TBXAS1: variants seen among roughly 807,000 people sequenced by gnomAD.
TBXAS1 encodes the protein thromboxane A synthase 1.
In TBXAS1, 48 loss-of-function variants were observed where a neutral mutation model predicts 60.7. The observed-to-expected ratio is 0.79, with a 90% CI of 0.63 to 1.01. The LOEUF (loss-of-function observed/expected upper bound fraction) is 1.01. Ranked by LOEUF, TBXAS1 falls within the 50% of genes least tolerant of loss-of-function variation. The pLI is 0.00. For missense variants in TBXAS1, 685 were observed against 686.3 expected (o/e 1.00, Z 0.02); for synonymous variants, 287 against 269.7 (o/e 1.06, Z -0.63).
At chr7:139,978,213 T>C (rs1811697176) in intron 9 of TBXAS1, among the ~76,000 whole-genome samples, 1 of 152,062 alleles carries the variant, frequency 6.6e-6, no homozygotes, top group Non-Finnish European at 1.5e-5. Flanking sequence ...ATAATTATGA[T>C]AGAAATAATA....
chr7:139,985,056 T>G (rs1013059792), intron 9 of TBXAS1, among the ~76,000 whole-genome samples: 18 of 152,320 alleles, frequency 1.2e-4, no homozygotes, highest in African/African-American at 4.3e-4. Flanking sequence ...CTCCCCAGGA[T>G]TCTGCTGGAG....
At chr7:139,863,569 A>T (rs1451205331) in intron 1 of TBXAS1, among the ~76,000 whole-genome samples, 1 of 152,212 alleles carries the variant, frequency 6.6e-6, no homozygotes, top group Non-Finnish European at 1.5e-5. Flanking sequence ...TTCCTATTGG[A>T]ATGCAACTAT....
At chr7:139,839,419 C>T (rs2267679) in intron 1 of TBXAS1, among the ~76,000 whole-genome samples, 104,131 of 151,968 alleles carry the variant, frequency 0.69, 37,518 homozygotes, top group East Asian at 0.92. Context: ...GCTGATGAAG[C>T]GGCAAGGAAG....
intron 9 of TBXAS1, among the ~76,000 whole-genome samples, chr7:139,976,874 T>C (rs938937079): frequency 2.6e-5 from 4 of 152,210 alleles, no homozygotes; most frequent in East Asian, 3.8e-4. Flanking sequence ...ACATCCTTAC[T>C]GGAGCTGCTG....
rs188864779 is a variant in TBXAS1 at position 139,930,241 on chromosome 7, G to A, written c.334-5950G>A. On this transcript the variant is annotated intron_variant, in intron 4 of 12. Coordinates refer to ENST00000448866, the MANE Select transcript of TBXAS1 (RefSeq NM_001061.7). ...ACACCTCGCCCCATCCCACTGTACC[G>A]TCCAGTGTATTTCTCATGCTTATTG... Among the ~76,000 whole-genome samples, 28 of 152,226 alleles carry A rather than the reference G, an allele frequency of 1.8e-4. No homozygotes were observed. In the South Asian group the frequency reaches 2.9e-3, roughly 16 times the overall value.
chr7:139,870,059 A>T (rs1801710070), intron 1 of TBXAS1, among the ~76,000 whole-genome samples: 1 of 152,216 alleles, frequency 6.6e-6, no homozygotes, highest in Non-Finnish European at 1.5e-5. Context: ...AAGATGCTCA[A>T]GTTCCAGATT....
intron 8 of TBXAS1, among the ~76,000 whole-genome samples, chr7:139,960,334 A>T (rs563508979): frequency 6.6e-6 from 1 of 152,320 alleles, no homozygotes; most frequent in African/African-American, 2.4e-5. Flanking sequence ...ACTGCATTAC[A>T]TTTTTATCTG....
intron 4 of TBXAS1, among the ~76,000 whole-genome samples, chr7:139,793,461 C>T (rs761525303): frequency 2.6e-5 from 4 of 151,990 alleles, no homozygotes; most frequent in South Asian, 2.1e-4. Flanking sequence ...TGCCAAACAC[C>T]GTTTTACTGA....
intron 5 of TBXAS1, among the ~76,000 whole-genome samples, chr7:139,945,210 G>T (rs1808604470): frequency 6.6e-6 from 1 of 152,194 alleles, no homozygotes; most frequent in African/African-American, 2.4e-5. Context: ...TAAGAATTTG[G>T]CTGCTCTCTC....
intron 9 of TBXAS1, among the ~76,000 whole-genome samples, chr7:139,994,744 A>G (rs1277319400): frequency 6.6e-6 from 1 of 152,256 alleles, no homozygotes; most frequent in African/African-American, 2.4e-5. Flanking sequence ...TTCCAGGTCA[A>G]TAGAAGGATT....
rs574184526 is a variant in TBXAS1 at position 139,959,844 on chromosome 7, G to A, written c.820-2075G>A. ...AGGTCTGGGGGTGCTCTGGGGTCCT[G>A]TGCTGGTGTCCCAGAGCTGAGGGAG... On this transcript the variant is annotated intron_variant, in intron 8 of 12. Transcript: ENST00000448866. 3.3e-5 allele frequency among the ~76,000 whole-genome samples: 5 copies of A among 152,280 alleles called. No individual in the cohort carries two copies. The South Asian group carries it at 1.0e-3, about 32-fold the overall frequency.
intron 2 of TBXAS1, among the ~76,000 whole-genome samples, 153 bp from the exon 3 acceptor site, chr7:139,875,432 A>C (rs563971405): frequency 7.0e-4 from 106 of 152,282 alleles, no homozygotes; most frequent in African/African-American, 2.4e-3. Flanking sequence ...GTTTATTCCA[A>C]TGTTTCAAAG....
intron 9 of TBXAS1, among the ~76,000 whole-genome samples, chr7:139,994,701 C>G (rs3801148): frequency 6.6e-6 from 1 of 152,016 alleles, no homozygotes; most frequent in Non-Finnish European, 1.5e-5. Flanking sequence ...GACAATGGCT[C>G]ATTTATTTCA....
At chr7:139,859,174 C>CCAAAG (rs1351813247) in intron 1 of TBXAS1, among the ~76,000 whole-genome samples, 2 of 151,380 alleles carry the variant, frequency 1.3e-5, no homozygotes, top group Non-Finnish European at 2.9e-5. Flanking sequence ...CGTGCCCGGC[C>CCAAAG]CAAAGCATTC....
chr7:139,939,836 C>T (rs1305989319), intron 5 of TBXAS1, among the ~76,000 whole-genome samples: 2 of 152,104 alleles, frequency 1.3e-5, no homozygotes, highest in African/African-American at 4.8e-5. Context: ...GAAAGCATTT[C>T]AAAGAGGAAG....
rs1203779981 is a variant in TBXAS1, at chr7:139,961,958, C to T, written c.859C>T (p.His287Tyr). Reference protein sequence around the residue: ...DFLQMVLDARHSASPMGVQDF... With the variant: ...DFLQMVLDARYSASPMGVQDF... ...CCTCCAAATGGTCCTGGATGCCCGA[C>T]ATTCTGCAAGTCCCATGGGCGTGCA... Residue 287 changes from histidine (H) to tyrosine (Y), a missense_variant, in exon 9 of 13, where the codon CAT becomes TAT. Transcript: ENST00000448866. 4 of 1,614,256 alleles carry T rather than the reference C, an allele frequency of 2.5e-6. No individual in the cohort carries two copies. The highest frequency in any genetic ancestry group is 1.1e-5 in the South Asian group (1 of 91,088).
Position 139,851,897 on chromosome 7 carries a change from G to A in TBXAS1, c.90-20338G>A, listed in dbSNP as rs141421371. ...GTACCAGGGTCAGTTAGCATGACCA[G>A]TGGAATACAGCAGAGGTGATGGTGT... On this transcript the variant is annotated intron_variant, in intron 1 of 12. Transcript: ENST00000448866. Among the ~76,000 whole-genome samples, 11 of 152,292 alleles carry A rather than the reference G, an allele frequency of 7.2e-5. No homozygotes were observed. In the East Asian group the frequency reaches 2.1e-3, roughly 29 times the overall value.
intron 1 of TBXAS1, among the ~76,000 whole-genome samples, chr7:139,860,532 T>C (rs1392783903): frequency 6.6e-6 from 1 of 152,080 alleles, no homozygotes; most frequent in Admixed American, 6.6e-5. Flanking sequence ...ATGAAAGGGG[T>C]TAAGTATTCT....
At chr7:139,853,816 C>G (rs771300696) in intron 1 of TBXAS1, among the ~76,000 whole-genome samples, 1 of 152,126 alleles carries the variant, frequency 6.6e-6, no homozygotes, top group South Asian at 2.1e-4. Context: ...AAATAATGAA[C>G]GTAGACAGGA....
Sources: gnomAD v4.1 joint callset for allele counts (sites outside exome capture counted in the v4.1 genomes callset) on GRCh38, gnomAD v4.1.1 for gene constraint, MANE v1.5 for transcripts, NCBI Gene and HGNC (gene_info 2026-07-23, HGNC 2026-07-21) for gene names.